PIK3CA: variants seen among roughly 807,000 people sequenced by gnomAD.
PIK3CA encodes phosphatidylinositol-4,5-bisphosphate 3-kinase catalytic subunit alpha, also known as phosphatidylinositol 4,5-bisphosphate 3-kinase catalytic subunit alpha isoform.
A neutral mutation model predicts 138.2 loss-of-function variants in PIK3CA; 27 were observed. The ratio of observed to expected loss-of-function variants is 0.20; its 90% CI spans 0.14 to 0.27. The LOEUF is 0.27. Among genes scored for constraint, PIK3CA ranks in the 10% least tolerant of loss-of-function variants. PIK3CA has a pLI of 1.00. For synonymous variants in PIK3CA, 358 were observed against 413.2 expected (o/e 0.87, Z 1.62); for missense variants, 544 against 1,277.4 (o/e 0.43, Z 8.75).
intron 14 of PIK3CA, among the ~76,000 whole-genome samples, chr3:179,222,178 A>G (rs1192975637): frequency 6.6e-6 from 1 of 152,110 alleles, no homozygotes; most frequent in Non-Finnish European, 1.5e-5. Flanking sequence ...AAGGACAGAG[A>G]ATGTAAGTTA....
chr3:179,170,304 A>G (rs940864976), intron 1 of PIK3CA, among the ~76,000 whole-genome samples: 1 of 152,190 alleles, frequency 6.6e-6, no homozygotes, highest in Non-Finnish European at 1.5e-5. Flanking sequence ...CATATTCGCA[A>G]ATTTTAATTT....
chr3:179,153,507 T>C (rs1428134798), intron 1 of PIK3CA, among the ~76,000 whole-genome samples: 3 of 152,212 alleles, frequency 2.0e-5, no homozygotes, highest in Non-Finnish European at 4.4e-5. Flanking sequence ...TATAATTATT[T>C]AAAATACTGT....
chr3:179,160,031 A>C (rs139535464), intron 1 of PIK3CA, among the ~76,000 whole-genome samples: 37 of 152,312 alleles, frequency 2.4e-4, no homozygotes, highest in African/African-American at 8.2e-4. Context: ...ACTCTGGGTG[A>C]GTTGGTGAGT....
chr3:179,169,201 G>A (rs1011388930), intron 1 of PIK3CA: 3 of 152,124 alleles, frequency 2.0e-5, no homozygotes, highest in Non-Finnish European at 1.5e-5. Context: ...AGCCCTCTTT[G>A]AAGTGACCTA....
At chr3:179,196,870 G>A (rs1429180242) in intron 1 of PIK3CA, among the ~76,000 whole-genome samples, 4 of 152,074 alleles carry the variant, frequency 2.6e-5, no homozygotes, top group African/African-American at 4.8e-5. Context: ...ATTGATGGCC[G>A]GCCCAAGGTA....
intron 1 of PIK3CA, among the ~76,000 whole-genome samples, chr3:179,168,762 A>G (rs900163241): frequency 2.6e-5 from 4 of 152,092 alleles, no homozygotes; most frequent in Non-Finnish European, 4.4e-5. Flanking sequence ...TTGTTATTCT[A>G]TTAAGATTCA....
chr3:179,183,671 G>A (rs1430440395), intron 1 of PIK3CA, among the ~76,000 whole-genome samples: 2 of 152,190 alleles, frequency 1.3e-5, no homozygotes, highest in Non-Finnish European at 2.9e-5. Flanking sequence ...AAGAATAAGA[G>A]ATTACTATAA....
At chr3:179,211,735 T>A (rs1724717130) in intron 9 of PIK3CA, among the ~76,000 whole-genome samples, 1 of 152,180 alleles carries the variant, frequency 6.6e-6, no homozygotes, top group African/African-American at 2.4e-5. Flanking sequence ...ATCACTTCAG[T>A]AAATTGTTTA....
intron 1 of PIK3CA, among the ~76,000 whole-genome samples, chr3:179,185,524 G>T (rs529309729): frequency 6.6e-6 from 1 of 152,220 alleles, no homozygotes; most frequent in African/African-American, 2.4e-5. Flanking sequence ...ATTCAATTCA[G>T]TTCTGACACT....
intron 14 of PIK3CA, among the ~76,000 whole-genome samples, chr3:179,222,109 A>G (rs1724982835): frequency 6.6e-6 from 1 of 151,920 alleles, no homozygotes; most frequent in South Asian, 2.1e-4. Context: ...AAGGAAGCTC[A>G]TTCCTCACCT....
intron 1 of PIK3CA, among the ~76,000 whole-genome samples, chr3:179,162,859 T>TAA (rs536763876): frequency 0.024 from 3,458 of 145,564 alleles, 127 homozygotes; most frequent in African/African-American, 0.081. Context: ...TTCTCTTCTT[T>TAA]AAAAAAAAAA....
intron 16 of PIK3CA, 36 bp downstream of exon 16, chr3:179,224,857 A>T (rs1465801699): frequency 2.0e-6 from 3 of 1,482,534 alleles, no homozygotes; most frequent in Non-Finnish European, 2.8e-6. Context: ...TGATGCATGA[A>T]TTTAGCTATC....
Position 179,235,030 on chromosome 3 carries a change from C to G in PIK3CA, c.*666C>G. On this transcript the variant is annotated 3_prime_UTR_variant, in exon 21 of 21. Coordinates refer to ENST00000263967, the MANE Select transcript of PIK3CA (RefSeq NM_006218.4). The stretch of plus-strand genomic sequence containing the variant: ...GTTTTGGAAGCAGTCACAAATGAGA[C>G]CTGTTATAAGGTGGTATTTTTTTTT... The G allele has an allele frequency of 4.9e-6, 1 of 205,222 alleles. No individual in the cohort carries two copies. Among genetic ancestry groups the G allele is most frequent in the Non-Finnish European group, 9.9e-6 (1 of 101,384 alleles). 12.7% of individuals were successfully genotyped at this position (205,222 alleles called of 1,614,324 possible).
rs1368278109 is a variant in PIK3CA, at chr3:179,209,648, C to T, written c.1199C>T (p.Ala400Val). 6.2e-7 allele frequency: 1 copy of T among 1,612,326 alleles called. No individual in the cohort carries two copies. The highest frequency in any genetic ancestry group is 2.2e-5 in the East Asian group (1 of 44,792). Residue 400 changes from alanine (A) to valine (V), a missense_variant, in exon 7 of 21, where the codon GCT becomes GTT. This residue lies in a region of PIK3CA where 234 missense variants were observed against 401.3 expected (regional missense o/e 0.58). Transcript: ENST00000263967. ...TACATTCCTGATCTTCCTCGTGCTG[C>T]TCGACTTTGCCTTTCCATTTGCTCT... Reference protein sequence around the residue: ...DIYIPDLPRAARLCLSICSVK... With the variant: ...DIYIPDLPRAVRLCLSICSVK...
At chr3:179,190,918 C>T (rs1208125880) in intron 1 of PIK3CA, among the ~76,000 whole-genome samples, 2 of 152,116 alleles carry the variant, frequency 1.3e-5, no homozygotes, top group Admixed American at 6.5e-5. Flanking sequence ...GTACTGTGAA[C>T]GAAAATTGTC....
At chr3:179,150,202 T>TGTGTGTGTGTG (rs202133178) in intron 1 of PIK3CA, among the ~76,000 whole-genome samples, 4 of 148,080 alleles carry the variant, frequency 2.7e-5, no homozygotes, top group South Asian at 2.2e-4. Flanking sequence ...TGTGTGTGTG[T>TGTGTGTGTGTG]TGGTATTTTG....
intron 9 of PIK3CA, among the ~76,000 whole-genome samples, chr3:179,216,841 CAGT>C (rs1185677594): frequency 6.6e-6 from 1 of 151,920 alleles, no homozygotes; most frequent in Non-Finnish European, 1.5e-5. Flanking sequence ...AGTAAATAAA[CAGT>C]AGCAGCTTCT....
At chr3:179,199,283 G>T in intron 2 of PIK3CA, 106 bp downstream of exon 2, 2 of 656,886 alleles carry the variant, frequency 3.0e-6, no homozygotes. Context: ...ATCTTAAATA[G>T]CTTTCTAAAT....
At chr3:179,209,908 T>C (rs1231173209) in intron 7 of PIK3CA, among the ~76,000 whole-genome samples, 1 of 152,190 alleles carries the variant, frequency 6.6e-6, no homozygotes, top group African/African-American at 2.4e-5. Context: ...TTCTTATTGA[T>C]ACCATTTTTA....
Sources: gnomAD v4.1 joint callset for allele counts (sites outside exome capture counted in the v4.1 genomes callset) on GRCh38, gnomAD v4.1.1 for gene constraint, gnomAD v4.1.1 regional missense constraint, MANE v1.5 for transcripts, NCBI Gene and HGNC (gene_info 2026-07-23, HGNC 2026-07-21) for gene names.